Variants in ARL13B observed in about 807,000 individuals in gnomAD.
ARL13B encodes ARF like GTPase 13B, also known as ADP-ribosylation factor-like protein 13B.
A neutral mutation model predicts 56.1 loss-of-function variants in ARL13B; 36 were observed. The observed-to-expected ratio is 0.64, with a 90% CI of 0.49 to 0.85. The LOEUF is 0.85. Ranked by LOEUF, ARL13B falls within the 40% of genes least tolerant of loss-of-function variation. The probability of loss-of-function intolerance (pLI) is 0.00; values close to 1 mark genes in which losing one functional copy is unlikely to be tolerated. For synonymous variants in ARL13B, 178 were observed against 171.1 expected (o/e 1.04, Z -0.32); for missense variants, 519 against 507.1 (o/e 1.02, Z -0.23).
chr3:94,012,471 T>G (rs1454049945), intron 3 of ARL13B, among the ~76,000 whole-genome samples: 1 of 152,198 alleles, frequency 6.6e-6, no homozygotes, highest in Non-Finnish European at 1.5e-5. Context: ...ATCTAACTTT[T>G]TCCACCACCA....
intron 2 of ARL13B, among the ~76,000 whole-genome samples, chr3:93,998,027 C>A (rs2075995445): frequency 6.6e-6 from 1 of 152,120 alleles, no homozygotes; most frequent in Admixed American, 6.5e-5. Context: ...CATGGCCAAG[C>A]TCCACTGAAA....
At chr3:93,993,817 T>C (rs2075919332) in intron 1 of ARL13B, among the ~76,000 whole-genome samples, 1 of 152,222 alleles carries the variant, frequency 6.6e-6, no homozygotes, top group Admixed American at 6.5e-5. Flanking sequence ...AGCAGGTACA[T>C]TTCCAGATGG....
chr3:93,985,267 C>A (rs189402348), intron 1 of ARL13B, among the ~76,000 whole-genome samples: 2 of 152,198 alleles, frequency 1.3e-5, no homozygotes, highest in African/African-American at 2.4e-5. Context: ...CTCAGTAAAT[C>A]TCTGGGCCTT....
At chr3:94,001,402 C>T (rs774117919) in intron 2 of ARL13B, among the ~76,000 whole-genome samples, 39 of 152,012 alleles carry the variant, frequency 2.6e-4, no homozygotes, top group Non-Finnish European at 4.9e-4. Flanking sequence ...TTAAATTGCT[C>T]CCTCTGCCTA....
At chr3:93,988,738 G>T in intron 1 of ARL13B, 1 of 441,286 alleles carries the variant, frequency 2.3e-6, no homozygotes, top group Non-Finnish European at 4.5e-6. Flanking sequence ...TTCTTGGTTA[G>T]CCACTTTGGC....
intron 3 of ARL13B, among the ~76,000 whole-genome samples, chr3:94,031,926 C>T (rs2076683624): frequency 6.6e-6 from 1 of 152,136 alleles, no homozygotes; most frequent in Non-Finnish European, 1.5e-5. Context: ...CAAAAATTAA[C>T]TCAGGGTGCA....
At chr3:93,981,447 G>T (rs1710210042) in intron 1 of ARL13B, among the ~76,000 whole-genome samples, 1 of 152,052 alleles carries the variant, frequency 6.6e-6, no homozygotes, top group Middle Eastern at 3.4e-3. Context: ...AATCTGAAAA[G>T]CTACACTTAC....
rs758662290 is a variant in ARL13B, at chr3:94,003,829, G to A, written c.301G>A (p.Glu101Lys). The A allele has an allele frequency of 6.2e-7, 1 of 1,613,742 alleles. No individual in the cohort carries two copies. The highest frequency in any genetic ancestry group is 1.7e-5 in the Admixed American group (1 of 60,020). The change falls in exon 3 of 10, where the codon GAA becomes AAA. Residue 101 changes from glutamate to lysine, a missense_variant. Coordinates refer to ENST00000394222, the MANE Select transcript of ARL13B (RefSeq NM_001174150.2). ...GVIFVVDSSD[E>K]ERMEETKEAM... is the part of the protein sequence containing the mutation. ...AATATTTGTTGTGGATTCCAGTGAT[G>A]AAGAGAGAATGGAAGAGACAAAAGA...
chr3:94,034,369 G>T (rs2076731254), intron 3 of ARL13B, among the ~76,000 whole-genome samples: 2 of 151,940 alleles, frequency 1.3e-5, no homozygotes, highest in African/African-American at 2.4e-5. Context: ...CAAACTTTGA[G>T]CAAGGCAGTA....
chr3:93,980,308 C>G lies in ARL13B; in HGVS notation c.-116C>G. 1.4e-6 allele frequency: 2 copies of G among 1,401,898 alleles called. No homozygotes were observed. Among genetic ancestry groups the G allele is most frequent in the Non-Finnish European group, 2.0e-6 (2 of 1,002,138 alleles). 86.8% of individuals were successfully genotyped at this position (1,401,898 alleles called of 1,614,324 possible). On this transcript the variant is annotated 5_prime_UTR_variant, in exon 1 of 10. Transcript: ENST00000394222. The stretch of plus-strand genomic sequence containing the variant: ...CGCCTTCACTTCCCTCCCGGCTTTT[C>G]CTCCCGACTTATCCACTTTAGGGGC...
At chr3:94,011,116 A>G (rs577711255) in intron 3 of ARL13B, among the ~76,000 whole-genome samples, 53 of 152,138 alleles carry the variant, frequency 3.5e-4, no homozygotes, top group Non-Finnish European at 7.1e-4. Flanking sequence ...GTGATATTTT[A>G]TAAATTAAAA....
At chr3:94,046,197 C>T (rs2076981496) in intron 7 of ARL13B, among the ~76,000 whole-genome samples, 1 of 151,698 alleles carries the variant, frequency 6.6e-6, no homozygotes, top group Non-Finnish European at 1.5e-5. Flanking sequence ...ATATGTAAAA[C>T]CATCAGCCCA....
chr3:94,049,378 A>G, intron 7 of ARL13B, 28 bp from the exon 8 acceptor site: 1 of 1,392,868 alleles, frequency 7.2e-7, no homozygotes, highest in Non-Finnish European at 1.0e-6. Context: ...TCATAAAGAC[A>G]TGAAGTTTCA....
chr3:93,985,382 T>A (rs1710409146), intron 1 of ARL13B, among the ~76,000 whole-genome samples: 1 of 152,112 alleles, frequency 6.6e-6, no homozygotes, highest in African/African-American at 2.4e-5. Context: ...AATATAATGA[T>A]CGAATATGCA....
intron 3 of ARL13B, chr3:94,014,612 C>A (rs757204377): frequency 6.2e-7 from 1 of 1,613,258 alleles, no homozygotes; most frequent in Non-Finnish European, 8.5e-7. Context: ...TCCAAATTAA[C>A]AAGTTCCTTG....
chr3:94,013,840 A>G (rs1404635781), intron 3 of ARL13B, among the ~76,000 whole-genome samples: 1 of 152,172 alleles, frequency 6.6e-6, no homozygotes, highest in Non-Finnish European at 1.5e-5. Context: ...CCAGCTACTC[A>G]GGAGGCTAAG....
chr3:94,006,083 G>C (rs757942390), intron 3 of ARL13B, among the ~76,000 whole-genome samples: 1 of 152,056 alleles, frequency 6.6e-6, no homozygotes, highest in Non-Finnish European at 1.5e-5. Context: ...GGCAGATCAC[G>C]AGGTCAGGAG....
intron 9 of ARL13B, 37 bp downstream of exon 9, chr3:94,050,929 A>C (rs1251651684): frequency 6.3e-7 from 1 of 1,575,500 alleles, no homozygotes; most frequent in African/African-American, 1.3e-5. Context: ...TATCATCTGT[A>C]CATGTCACAT....
chr3:94,039,167 T>C (rs2076819895), intron 5 of ARL13B, among the ~76,000 whole-genome samples: 1 of 152,152 alleles, frequency 6.6e-6, no homozygotes, highest in African/African-American at 2.4e-5. Flanking sequence ...CCTAGTTTTG[T>C]AAGAGAAGAC....
Sources: gnomAD v4.1 joint callset for allele counts (sites outside exome capture counted in the v4.1 genomes callset) on GRCh38, gnomAD v4.1.1 for gene constraint, MANE v1.5 for transcripts, NCBI Gene and HGNC (gene_info 2026-07-23, HGNC 2026-07-21) for gene names.